The following ADARB2 variants were observed in gnomAD, a reference collection of about 807,000 sequenced individuals.
The protein encoded by ADARB2 is inactive double-stranded RNA-specific editase B2.
Under a neutral mutation model 62.2 loss-of-function variants are expected in ADARB2, and 25 were observed. The observed-to-expected ratio is 0.40, with a 90% CI of 0.29 to 0.56. The LOEUF (loss-of-function observed/expected upper bound fraction) is 0.56, where lower values mean the gene tolerates loss of function less well. ADARB2 is among the 20% of genes least tolerant of loss of function. The pLI is 0.43. For synonymous variants in ADARB2, 572 were observed against 500.8 expected (o/e 1.14, Z -1.90); for missense variants, 1,071 against 1,077.4 (o/e 0.99, Z 0.08).
rs541376941 is a variant in ADARB2, at chr10:1,530,773, G to A, written c.101-151613C>T. 1.7e-4 allele frequency among the ~76,000 whole-genome samples: 26 copies of A among 152,234 alleles called. No individual in the cohort carries two copies. The South Asian group carries it at 5.0e-3, about 29-fold the overall frequency. Reference sequence around the variant, plus strand: ...CTCTCCAGCTCACTGAACTTGTTTCGCATGTATGCCTTTGCCTTGAGGCTT... The same window carrying A: ...CTCTCCAGCTCACTGAACTTGTTTCACATGTATGCCTTTGCCTTGAGGCTT... On this transcript the variant is annotated intron_variant, in intron 1 of 9. Transcript: ENST00000381312.
rs61832018 is a variant in ADARB2, at chr10:1,272,016, C to T, written c.1078-947G>A. 2.2e-3 allele frequency among the ~76,000 whole-genome samples: 338 copies of T among 152,336 alleles called. 1 individual carries two copies. The highest frequency in any genetic ancestry group is 7.6e-3 in the African/African-American group (315 of 41,572). ...GTTTTCGTAAGGATTAAATGCAATA[C>T]GGTGTCTTAAGTGCTCAGCACAGTG... On this transcript the variant is annotated intron_variant, in intron 3 of 9. Coordinates refer to ENST00000381312, the MANE Select transcript of ADARB2 (RefSeq NM_018702.4).
At chr10:1,295,921 C>A (rs12268251) in intron 3 of ADARB2, among the ~76,000 whole-genome samples, 3 of 152,210 alleles carry the variant, frequency 2.0e-5, no homozygotes, top group African/African-American at 7.2e-5. Flanking sequence ...CATCCCCAAG[C>A]GCAACGGCTC....
At chr10:1,613,203 C>G (rs1000866604) in intron 1 of ADARB2, among the ~76,000 whole-genome samples, 1 of 152,182 alleles carries the variant, frequency 6.6e-6, no homozygotes, top group African/African-American at 2.4e-5. Context: ...CGTTTACTTA[C>G]AGGAAGCAAC....
intron 3 of ADARB2, among the ~76,000 whole-genome samples, chr10:1,273,242 A>G (rs1229936571): frequency 6.6e-6 from 1 of 152,214 alleles, no homozygotes; most frequent in East Asian, 1.9e-4. Context: ...CATGCTGTCA[A>G]GGGAGAGCGT....
At chr10:1,659,371 G>A (rs985153629) in intron 1 of ADARB2, among the ~76,000 whole-genome samples, 5 of 152,144 alleles carry the variant, frequency 3.3e-5, no homozygotes, top group Non-Finnish European at 7.3e-5. Context: ...CTGGGGGAAG[G>A]CCGGAGCCAG....
intron 1 of ADARB2, among the ~76,000 whole-genome samples, chr10:1,447,591 G>T (rs1564291496): frequency 6.6e-6 from 1 of 151,966 alleles, no homozygotes; most frequent in Non-Finnish European, 1.5e-5. Flanking sequence ...TTTAAAATGT[G>T]ATTGCAGCTT....
intron 1 of ADARB2, among the ~76,000 whole-genome samples, chr10:1,428,541 C>A (rs1830739637): frequency 6.6e-6 from 1 of 152,104 alleles, no homozygotes; most frequent in African/African-American, 2.4e-5. Flanking sequence ...CCCGCCTCTG[C>A]CTCCTAAAGT....
intron 1 of ADARB2, among the ~76,000 whole-genome samples, chr10:1,729,055 A>G (rs1835200530): frequency 6.6e-6 from 1 of 152,194 alleles, no homozygotes; most frequent in African/African-American, 2.4e-5. Context: ...TTTCTCCTTG[A>G]GCCATGTATT....
intron 1 of ADARB2, among the ~76,000 whole-genome samples, chr10:1,616,049 G>C (rs1833628169): frequency 6.6e-6 from 1 of 152,216 alleles, no homozygotes; most frequent in South Asian, 2.1e-4. Flanking sequence ...TTACAATGCT[G>C]GTGGCAGGGG....
chr10:1,402,324 C>T (rs1832671760), intron 1 of ADARB2, among the ~76,000 whole-genome samples: 1 of 152,170 alleles, frequency 6.6e-6, no homozygotes, highest in African/African-American at 2.4e-5. Context: ...ATTTGCTCAT[C>T]AACCGCTATT....
intron 3 of ADARB2, among the ~76,000 whole-genome samples, chr10:1,332,514 AAT>A (rs1491507617): frequency 7.0e-6 from 1 of 143,472 alleles, no homozygotes; most frequent in East Asian, 2.0e-4. Flanking sequence ...ACAGGTGTTA[AAT>A]ATCTTTTGTT....
chr10:1,550,407 A>G (rs555219521), intron 1 of ADARB2, among the ~76,000 whole-genome samples: 3 of 152,224 alleles, frequency 2.0e-5, no homozygotes, highest in Non-Finnish European at 4.4e-5. Flanking sequence ...GGAGAGTCTC[A>G]GTGTAATTGC....
chr10:1,514,760 TGTGGGTGG>T (rs545942128), intron 1 of ADARB2, among the ~76,000 whole-genome samples: 128 of 152,306 alleles, frequency 8.4e-4, no homozygotes, highest in African/African-American at 3.0e-3. Context: ...GACACTCAAA[TGTGGGTGG>T]GTTTTGTGTT....
At position 1,238,522 on chromosome 10, in the gene ADARB2, C is replaced by T. The variant is rs1290132160; in HGVS notation, c.1361+3609G>A. 7.1e-4 allele frequency among the ~76,000 whole-genome samples: 3 copies of T among 4,214 alleles called. 1 individual carries two copies. The highest frequency in any genetic ancestry group is 1.6e-3 in the Non-Finnish European group (3 of 1,844). The allele number at this position is 4,214 out of a possible 152,430, so 2.8% of individuals were successfully genotyped here. A position where few individuals can be genotyped will look rare whatever the true frequency, so the allele number is the denominator to read the frequency against. ...CCCTCCCGGTGTTTACTCCCCTCTG[C>T]CTCCCGGTGTTCACTCCCCCCTCCC... is the stretch of plus-strand genomic sequence containing the variant. On this transcript the variant is annotated intron_variant, in intron 5 of 9. Coordinates refer to ENST00000381312, the MANE Select transcript of ADARB2 (RefSeq NM_018702.4).
chr10:1,197,245 T>C (rs1197757830), intron 8 of ADARB2, among the ~76,000 whole-genome samples: 1 of 152,206 alleles, frequency 6.6e-6, no homozygotes, highest in East Asian at 1.9e-4. Flanking sequence ...TCCATAGAAT[T>C]TTCCTCAACT....
intron 1 of ADARB2, among the ~76,000 whole-genome samples, chr10:1,651,874 G>A (rs1301352405): frequency 2.6e-5 from 4 of 152,164 alleles, no homozygotes; most frequent in Admixed American, 1.3e-4. Context: ...GGTTCCCAGT[G>A]GGAGCAGAGC....
At chr10:1,591,661 A>AC in intron 1 of ADARB2, among the ~76,000 whole-genome samples, 1 of 146,290 alleles carries the variant, frequency 6.8e-6, no homozygotes, top group South Asian at 2.1e-4. Flanking sequence ...GCGTGCACGC[A>AC]CACACACACA....
chr10:1,630,157 T>C (rs1833824413), intron 1 of ADARB2, among the ~76,000 whole-genome samples: 1 of 152,156 alleles, frequency 6.6e-6, no homozygotes, highest in African/African-American at 2.4e-5. Context: ...TAGGAGATAA[T>C]TATTTCTTTA....
At chr10:1,186,028 G>A (rs541650931) in intron 8 of ADARB2, among the ~76,000 whole-genome samples, 1 of 152,308 alleles carries the variant, frequency 6.6e-6, no homozygotes, top group South Asian at 2.1e-4. Flanking sequence ...ACTCCAGGGG[G>A]CACCTGCCGA....
Sources: gnomAD v4.1 joint callset for allele counts (sites outside exome capture counted in the v4.1 genomes callset) on GRCh38, gnomAD v4.1.1 for gene constraint, MANE v1.5 for transcripts, NCBI Gene and HGNC (gene_info 2026-07-23, HGNC 2026-07-21) for gene names.